Variants in CSMD1 observed in about 807,000 individuals in gnomAD.
CSMD1 encodes CUB and Sushi multiple domains 1.
Under a neutral mutation model 417.5 loss-of-function variants are expected in CSMD1, and 213 were observed. That is an observed-to-expected ratio of 0.51 (90% confidence interval 0.46 to 0.57). The LOEUF is 0.57. Among genes scored for constraint, CSMD1 ranks in the 20% least tolerant of loss-of-function variants. The probability of loss-of-function intolerance (pLI) is 0.00; values close to 1 mark genes in which losing one functional copy is unlikely to be tolerated. For synonymous variants in CSMD1, 2,862 were observed against 1,736.8 expected (o/e 1.65, Z -16.11); for missense variants, 6,923 against 4,529.7 (o/e 1.53, Z -15.17).
At chr8:3,833,447 T>A (rs1451312661) in intron 5 of CSMD1, among the ~76,000 whole-genome samples, 1 of 152,100 alleles carries the variant, frequency 6.6e-6, no homozygotes, top group African/African-American at 2.4e-5. Flanking sequence ...AATATGACAG[T>A]TTACAAATCA....
chr8:3,832,176 G>A (rs939136574), intron 5 of CSMD1, among the ~76,000 whole-genome samples: 1 of 152,144 alleles, frequency 6.6e-6, no homozygotes, highest in Non-Finnish European at 1.5e-5. Context: ...AAGGCAAACA[G>A]CCGTGGAGGC....
At chr8:3,168,455 G>A (rs1820369563) in intron 37 of CSMD1, among the ~76,000 whole-genome samples, 1 of 152,108 alleles carries the variant, frequency 6.6e-6, no homozygotes, top group Non-Finnish European at 1.5e-5. Context: ...CATTAAAGTT[G>A]AGATAATGTG....
intron 3 of CSMD1, among the ~76,000 whole-genome samples, chr8:4,387,817 G>A (rs77961532): frequency 0.014 from 2,102 of 152,154 alleles, 47 homozygotes; most frequent in African/African-American, 0.047. Flanking sequence ...TTCAAACCGT[G>A]TAGGTTTCTT....
chr8:3,989,058 C>T (rs1585088225), intron 5 of CSMD1, among the ~76,000 whole-genome samples: 1 of 152,144 alleles, frequency 6.6e-6, no homozygotes, highest in African/African-American at 2.4e-5. Flanking sequence ...CATTGTAGGG[C>T]AGAAATCTGA....
Position 3,409,403 on chromosome 8 carries a change from G to C in CSMD1, c.1744+20C>G. The C allele has an allele frequency of 6.3e-7, 1 of 1,593,722 alleles. No homozygotes were observed. ...TCCTTGCAGGACAGGAGGGAGTCCA[G>C]GTCAAGGCATAATACTCACATACAC... On this transcript the variant is annotated intron_variant, in intron 13 of 69. Transcript: ENST00000635120.
intron 3 of CSMD1, among the ~76,000 whole-genome samples, chr8:4,345,120 C>T (rs1800705832): frequency 1.3e-5 from 2 of 152,104 alleles, no homozygotes; most frequent in Admixed American, 6.6e-5. Flanking sequence ...GGGAGCTAAA[C>T]CTGTCAGTAA....
rs868158807 is a variant in CSMD1 at position 3,842,355 on chromosome 8, A to G, written c.819-88313T>C. On this transcript the variant is annotated intron_variant, in intron 5 of 69. Coordinates refer to ENST00000635120, the MANE Select transcript of CSMD1 (RefSeq NM_033225.6). ...CAATTAGGTTTTAGATACCCATATC[A>G]ATACCACTAATAATGTATACTTAAA... Among the ~76,000 whole-genome samples the G allele has an allele frequency of 9.2e-5, 14 of 152,294 alleles. No individual in the cohort carries two copies. The East Asian group carries it at 2.5e-3, about 27-fold the overall frequency.
intron 5 of CSMD1, among the ~76,000 whole-genome samples, chr8:3,774,945 G>C (rs1271659449): frequency 6.6e-6 from 1 of 152,034 alleles, no homozygotes; most frequent in South Asian, 2.1e-4. Flanking sequence ...CAGCGAGACG[G>C]GAAACAGGTA....
At chr8:3,338,306 C>G (rs1191367695) in intron 23 of CSMD1, among the ~76,000 whole-genome samples, 1 of 152,202 alleles carries the variant, frequency 6.6e-6, no homozygotes, top group East Asian at 1.9e-4. Flanking sequence ...CGTTTCTTGA[C>G]AAGTTGAGTC....
At chr8:3,580,389 G>A (rs994382125) in intron 9 of CSMD1, among the ~76,000 whole-genome samples, 8 of 152,130 alleles carry the variant, frequency 5.3e-5, no homozygotes, top group South Asian at 2.1e-4. Context: ...CAGTCACAGG[G>A]ATACCTGGGG....
At chr8:3,085,070 G>A (rs1219132381) in intron 49 of CSMD1, among the ~76,000 whole-genome samples, 9 of 152,076 alleles carry the variant, frequency 5.9e-5, no homozygotes, top group African/African-American at 1.7e-4. Context: ...TAGTATTTGC[G>A]AGATTCTATT....
chr8:4,357,865 AT>A (rs1270008521), intron 3 of CSMD1, among the ~76,000 whole-genome samples: 2 of 152,166 alleles, frequency 1.3e-5, no homozygotes, highest in Non-Finnish European at 2.9e-5. Flanking sequence ...AATTTATCAT[AT>A]TTTAATGCTA....
chr8:4,524,881 C>G (rs1796438620), intron 2 of CSMD1, among the ~76,000 whole-genome samples: 1 of 152,038 alleles, frequency 6.6e-6, no homozygotes, highest in African/African-American at 2.4e-5. Flanking sequence ...TTTACCATGA[C>G]TTCTAAGTAT....
At chr8:4,740,988 G>T (rs1673236) in intron 1 of CSMD1, among the ~76,000 whole-genome samples, 107,021 of 152,030 alleles carry the variant, frequency 0.7, 38,470 homozygotes, top group African/African-American at 0.85. Context: ...AAAATTAACA[G>T]GAAGACACAT....
At chr8:4,592,125 C>A (rs2724982) in intron 2 of CSMD1, among the ~76,000 whole-genome samples, 8 of 151,494 alleles carry the variant, frequency 5.3e-5, no homozygotes, top group African/African-American at 1.7e-4. Context: ...GCTGGCATAA[C>A]GGATTCCTGA....
In CSMD1 at chr8:4,658,429, C is replaced by A. The variant is rs375327293; in HGVS notation, c.86-20871G>T. On this transcript the variant is annotated intron_variant, in intron 1 of 69. Transcript: ENST00000635120. ...TTTCTCATTAAAAATTCCTGGAGGC[C>A]AGAAGCAAGTGGCAGTATATTTTTA... Among the ~76,000 whole-genome samples the A allele has an allele frequency of 3.3e-5, 5 of 152,112 alleles. No homozygotes were observed. The East Asian group carries it at 5.8e-4, about 18-fold the overall frequency.
chr8:4,694,965 C>G (rs951529777), intron 1 of CSMD1, among the ~76,000 whole-genome samples: 1 of 151,976 alleles, frequency 6.6e-6, no homozygotes, highest in African/African-American at 2.4e-5. Context: ...GTTCTTGTAC[C>G]TTTCACAGCT....
intron 2 of CSMD1, among the ~76,000 whole-genome samples, chr8:4,505,624 C>G (rs1452303919): frequency 1.3e-5 from 2 of 152,052 alleles, no homozygotes; most frequent in African/African-American, 2.4e-5. Context: ...AAGTTTCTTT[C>G]TTTCTAACAT....
chr8:4,959,495 C>T (rs1479083133), intron 1 of CSMD1, among the ~76,000 whole-genome samples: 2 of 152,222 alleles, frequency 1.3e-5, no homozygotes, highest in Non-Finnish European at 2.9e-5. Context: ...TTTGTTCTAT[C>T]TTCAAACGTA....
Sources: allele counts gnomAD v4.1 joint callset (sites outside exome capture counted in the v4.1 genomes callset), GRCh38; gene constraint gnomAD v4.1.1; transcripts MANE v1.5; gene names NCBI Gene and HGNC (gene_info 2026-07-23, HGNC 2026-07-21).